CSPP1: variants seen among roughly 807,000 people sequenced by gnomAD.
The protein encoded by CSPP1 is centrosome and spindle pole-associated protein 1.
Under a neutral mutation model 164.4 loss-of-function variants are expected in CSPP1, and 126 were observed. That is an observed-to-expected ratio of 0.77 (90% CI 0.66 to 0.89). The LOEUF is 0.89. Among genes scored for constraint, CSPP1 ranks in the 40% least tolerant of loss-of-function variants. The pLI, the probability that CSPP1 is intolerant of heterozygous loss-of-function variation, is 0.00. For missense variants in CSPP1, 1,395 were observed against 1,449.8 expected (o/e 0.96, Z 0.61); for synonymous variants, 472 against 476.7 (o/e 0.99, Z 0.13).
At chr8:67,133,690 A>G (rs1257213609) in intron 16 of CSPP1, 1 of 152,204 alleles carries the variant, frequency 6.6e-6, no homozygotes, top group African/African-American at 2.4e-5. Flanking sequence ...TGACTCCTCC[A>G]TTCATGAGAG....
chr8:67,154,392 G>A (rs938410892), intron 19 of CSPP1, among the ~76,000 whole-genome samples: 1 of 151,936 alleles, frequency 6.6e-6, no homozygotes, highest in Admixed American at 6.5e-5. Context: ...TTGAGACGGA[G>A]TCTTGCTCTG....
At chr8:67,172,064 G>A (rs1563748166) in intron 24 of CSPP1, among the ~76,000 whole-genome samples, 2 of 151,052 alleles carry the variant, frequency 1.3e-5, no homozygotes, top group Non-Finnish European at 2.9e-5. Context: ...GCCCAGTCTG[G>A]TCTCGAACTC....
intron 24 of CSPP1, 141 bp from the exon 25 acceptor site, chr8:67,172,275 T>G (rs1319458890): frequency 1.4e-5 from 8 of 591,276 alleles, no homozygotes; most frequent in Admixed American, 3.0e-5. Context: ...ATTACAAGTG[T>G]GAGCCACAGC....
chr8:67,112,316 A>T (rs1220840821), intron 10 of CSPP1, among the ~76,000 whole-genome samples: 1 of 144,798 alleles, frequency 6.9e-6, no homozygotes, highest in Non-Finnish European at 1.5e-5. Flanking sequence ...TCCCTCATTG[A>T]TTTCTTCAGT....
In CSPP1 at chr8:67,158,492, A is replaced by C. The variant is rs768094952; in HGVS notation, c.2287A>C (p.Arg763=). 1 of 1,613,228 alleles carries C rather than the reference A, an allele frequency of 6.2e-7. No individual in the cohort carries two copies. Among genetic ancestry groups the C allele is most frequent in the Non-Finnish European group, 8.5e-7 (1 of 1,179,466 alleles). Residue 763 remains arginine (R), a synonymous_variant, in exon 20 of 31, where the codon AGA becomes CGA. Transcript: ENST00000678616. Reference sequence around the variant, plus strand: ...AGAGGAAGCAGAGCGAGAGAGACTGAGAATTGCAGAAGAAAAAGAAGAAAG... The same window carrying C: ...AGAGGAAGCAGAGCGAGAGAGACTGCGAATTGCAGAAGAAAAAGAAGAAAG... The part of the protein sequence containing the change: ...QREEAERERL[R]IAEEKEERRL...
At chr8:67,101,865 G>A (rs542608902) in intron 7 of CSPP1, among the ~76,000 whole-genome samples, 1 of 152,010 alleles carries the variant, frequency 6.6e-6, no homozygotes, top group East Asian at 1.9e-4. Context: ...CTTTGTAATA[G>A]TCCTCTTGAG....
chr8:67,149,987 T>G (rs546119504), intron 18 of CSPP1, 52 bp downstream of exon 18: 1 of 1,448,088 alleles, frequency 6.9e-7, no homozygotes, highest in African/African-American at 1.5e-5. Context: ...TCTGAAATTG[T>G]TCAGTAACAT....
At chr8:67,115,697 T>TA (rs1336054908) in intron 12 of CSPP1, among the ~76,000 whole-genome samples, 11 of 151,900 alleles carry the variant, frequency 7.2e-5, no homozygotes, top group African/African-American at 1.5e-4. Context: ...ATAAATAAGA[T>TA]AGATAGATAG....
chr8:67,159,458 C>T (rs1375059959), intron 21 of CSPP1, among the ~76,000 whole-genome samples: 2 of 131,130 alleles, frequency 1.5e-5, no homozygotes, highest in Admixed American at 1.7e-4. Context: ...TGGTTCATGA[C>T]AAGACTAATA....
At position 67,169,205 on chromosome 8, in the gene CSPP1, G is replaced by GTATTTTATTT. The variant is rs199581835; in HGVS notation, c.2829-3194_2829-3185dup. Among the ~76,000 whole-genome samples, 2 of 151,972 alleles carry GTATTTTATTT rather than the reference G, an allele frequency of 1.3e-5. 1 individual carries two copies. Among genetic ancestry groups the GTATTTTATTT allele is most frequent in the South Asian group, 4.1e-4 (2 of 4,824 alleles). On this transcript the variant is annotated intron_variant, in intron 24 of 30. Transcript: ENST00000678616. ...CTAGTGCTGACTGAAGCAGCAGTAG[G>GTATTTTATTT]TATTTTATTTTATTTTATTTTATTT...
At chr8:67,133,624 T>G (rs920637744) in intron 16 of CSPP1, 1 of 152,264 alleles carries the variant, frequency 6.6e-6, no homozygotes, top group Non-Finnish European at 1.5e-5. Context: ...TGCTGAAGAT[T>G]GGGTGGCTGT....
intron 15 of CSPP1, among the ~76,000 whole-genome samples, chr8:67,129,429 A>T (rs1205769371): frequency 6.6e-6 from 1 of 152,220 alleles, no homozygotes; most frequent in East Asian, 1.9e-4. Context: ...ATTACTGATT[A>T]CAAAATCAAT....
At chr8:67,156,195 T>C (rs879361004) in intron 19 of CSPP1, among the ~76,000 whole-genome samples, 1 of 152,156 alleles carries the variant, frequency 6.6e-6, no homozygotes, top group Non-Finnish European at 1.5e-5. Context: ...CTCAGATTTC[T>C]CTGAGAGAGG....
rs1381852518 is a variant in CSPP1 at position 67,175,587 on chromosome 8, A to G, written c.3109+151A>G. 3 of 852,556 alleles carry G rather than the reference A, an allele frequency of 3.5e-6. No individual in the cohort carries two copies. In the Admixed American group the frequency reaches 6.0e-5, roughly 17 times the overall value. The allele number at this position is 852,556 out of a possible 1,614,324, so 52.8% of individuals were successfully genotyped here. A position where few individuals can be genotyped will look rare whatever the true frequency, so the allele number is the denominator to read the frequency against. On this transcript the variant is annotated intron_variant, in intron 26 of 30. Coordinates refer to ENST00000678616, the MANE Select transcript of CSPP1 (RefSeq NM_001382391.1). ...GTCCGTTTGGTCTGTAGTACCAGAA[A>G]AGAACAAGTATGAGAGAGAGCTCTG...
intron 15 of CSPP1, among the ~76,000 whole-genome samples, chr8:67,128,545 A>C (rs1200738086): frequency 6.6e-6 from 1 of 152,062 alleles, no homozygotes; most frequent in Non-Finnish European, 1.5e-5. Context: ...ATCTCAAAAA[A>C]AAAAAAAAAA....
At chr8:67,140,565 T>C (rs182433529) in intron 17 of CSPP1, among the ~76,000 whole-genome samples, 7 of 152,374 alleles carry the variant, frequency 4.6e-5, no homozygotes, top group African/African-American at 1.7e-4. Flanking sequence ...AAGTGTTTAC[T>C]TGAAAATATA....
chr8:67,122,567 A>G (rs1465387149), intron 15 of CSPP1, among the ~76,000 whole-genome samples: 1 of 152,186 alleles, frequency 6.6e-6, no homozygotes, highest in Non-Finnish European at 1.5e-5. Flanking sequence ...CTCATGTCTA[A>G]TATAATTACA....
At chr8:67,104,010 A>G (rs1246796003) in intron 8 of CSPP1, among the ~76,000 whole-genome samples, 1 of 152,102 alleles carries the variant, frequency 6.6e-6, no homozygotes, top group African/African-American at 2.4e-5. Flanking sequence ...TGTATTTTAT[A>G]TTTATGTTCT....
intron 3 of CSPP1, among the ~76,000 whole-genome samples, chr8:67,084,747 GAA>G (rs1014798378): frequency 1.6e-5 from 2 of 124,920 alleles, no homozygotes; most frequent in Non-Finnish European, 1.7e-5. Flanking sequence ...TAAAGAGAGA[GAA>G]AAAAAAAAAA....
Sources: allele counts gnomAD v4.1 joint callset (sites outside exome capture counted in the v4.1 genomes callset), GRCh38; gene constraint gnomAD v4.1.1; transcripts MANE v1.5; gene names NCBI Gene and HGNC (gene_info 2026-07-23, HGNC 2026-07-21).